The following PAH variants were observed in gnomAD, a reference collection of about 807,000 sequenced individuals.
The protein encoded by PAH is phenylalanine hydroxylase.
Under a neutral mutation model 62.0 loss-of-function variants are expected in PAH, and 64 were observed. The observed-to-expected ratio is 1.03, with a 90% CI of 0.84 to 1.27. The LOEUF (loss-of-function observed/expected upper bound fraction) is 1.27, where lower values mean the gene tolerates loss of function less well. Among genes scored for constraint, PAH ranks in the 50% most tolerant of loss-of-function variants. The pLI is 0.00. For synonymous variants in PAH, 195 were observed against 196.2 expected (o/e 0.99, Z 0.05); for missense variants, 579 against 542.8 (o/e 1.07, Z -0.66).
At chr12:102,903,360 C>CAAA (rs34480214) in intron 2 of PAH, among the ~76,000 whole-genome samples, 2,064 of 131,990 alleles carry the variant, frequency 0.016, 62 homozygotes, top group African/African-American at 0.049. Flanking sequence ...GATTCTGTCT[C>CAAA]AAAAAAAAAA....
intron 11 of PAH, among the ~76,000 whole-genome samples, chr12:102,841,168 G>A (rs1874578372): frequency 6.6e-6 from 1 of 152,176 alleles, no homozygotes; most frequent in Non-Finnish European, 1.5e-5. Context: ...ATGCAGCTGG[G>A]AAGGAACCCA....
intron 8 of PAH, among the ~76,000 whole-genome samples, chr12:102,848,268 G>T (rs1218818650): frequency 7.0e-6 from 1 of 142,076 alleles, no homozygotes; most frequent in African/African-American, 3.1e-5. Flanking sequence ...AGGATAGACA[G>T]GACACCAGGA....
At chr12:102,912,031 T>C (rs1162304773) in intron 2 of PAH, among the ~76,000 whole-genome samples, 2 of 152,212 alleles carry the variant, frequency 1.3e-5, no homozygotes, top group African/African-American at 4.8e-5. Flanking sequence ...AATCAACGTT[T>C]CCTAAACTCT....
rs7305565 is a variant in PAH at position 102,854,284 on chromosome 12, C to T, written c.706+852G>A. ...TCATTGCCCCCACAGTGGCCCATCT[C>T]TGCACAGCTCTGATATATAGAAAAT... On this transcript the variant is annotated intron_variant, in intron 6 of 12. Transcript: ENST00000553106. Among the ~76,000 whole-genome samples, 4 of 152,318 alleles carry T rather than the reference C, an allele frequency of 2.6e-5. No homozygotes were observed. In the South Asian group the frequency reaches 8.3e-4, roughly 32 times the overall value.
In PAH at chr12:102,855,261, A is replaced by G. The variant is rs5030844; in HGVS notation, c.581T>C (p.Leu194Pro). 2.3e-5 allele frequency: 37 copies of G among 1,614,120 alleles called. No individual in the cohort carries two copies. Among genetic ancestry groups the G allele is most frequent in the Non-Finnish European group, 3.1e-5 (37 of 1,179,942 alleles). ...AGCATGGGTTTTATACAAGGACTTC[A>G]GAGTCTTGAACACTGTGCCCCATGT... ...KKTWGTVFKT[L>P]KSLYKTHACY... The change falls in exon 6 of 13, where the codon CTG (leucine) becomes CCG (proline). Residue 194 changes from leucine to proline, a missense_variant. Transcript: ENST00000553106.
chr12:102,878,886 T>G (rs927698158), intron 3 of PAH, among the ~76,000 whole-genome samples: 6 of 152,102 alleles, frequency 3.9e-5, no homozygotes, highest in Non-Finnish European at 7.4e-5. Context: ...ACTGGGGCTC[T>G]AAAAGCTTAA....
At chr12:102,955,892 C>T (rs1340611011) in intron 1 of PAH, among the ~76,000 whole-genome samples, 1 of 152,178 alleles carries the variant, frequency 6.6e-6, no homozygotes, top group Admixed American at 6.5e-5. Context: ...CAGAATTGAC[C>T]TCTGTTGGCA....
intron 1 of PAH, chr12:102,913,713 A>G (rs921330418): frequency 3.0e-5 from 20 of 673,014 alleles, no homozygotes; most frequent in Non-Finnish European, 5.1e-5. Context: ...AAAGAGTTAC[A>G]AAATCCATGA....
intron 5 of PAH, among the ~76,000 whole-genome samples, chr12:102,859,560 T>G (rs1305236654): frequency 2.0e-5 from 3 of 152,202 alleles, no homozygotes; most frequent in Non-Finnish European, 4.4e-5. Context: ...TGAACATCAA[T>G]GCAAAAATCC....
intron 12 of PAH, among the ~76,000 whole-genome samples, chr12:102,840,184 G>A (rs1231177449): frequency 6.6e-6 from 1 of 152,002 alleles, no homozygotes; most frequent in Admixed American, 6.6e-5. Context: ...GAGGTGGAGT[G>A]GAATCTAGGA....
chr12:102,839,699 T>G (rs1015309747), intron 12 of PAH, among the ~76,000 whole-genome samples: 1 of 152,376 alleles, frequency 6.6e-6, no homozygotes, highest in Non-Finnish European at 1.5e-5. Flanking sequence ...TGATGCACAT[T>G]CAAATTTTAG....
intron 2 of PAH, among the ~76,000 whole-genome samples, chr12:102,901,140 G>A (rs1349433917): frequency 6.6e-6 from 1 of 152,128 alleles, no homozygotes; most frequent in Non-Finnish European, 1.5e-5. Flanking sequence ...TAGAAACAGA[G>A]TTCATAATGG....
chr12:102,895,470 G>C (rs1300047287), intron 2 of PAH, among the ~76,000 whole-genome samples: 1 of 152,036 alleles, frequency 6.6e-6, no homozygotes, highest in Non-Finnish European at 1.5e-5. Context: ...AGTTCATTGG[G>C]AGTGTTGGAT....
At chr12:102,863,702 A>G (rs899828222) in intron 5 of PAH, among the ~76,000 whole-genome samples, 2 of 152,190 alleles carry the variant, frequency 1.3e-5, no homozygotes, top group Admixed American at 1.3e-4. Context: ...AAAGGACACT[A>G]GAGTCAGAGA....
At position 102,907,659 on chromosome 12, in the gene PAH, C is replaced by T. The variant is rs557775710; in HGVS notation, c.168+5132G>A. Reference sequence around the variant, plus strand: ...GGGCGGACAGAGTCTCACTCTGTTGCCCAGGCTGGAGTGCAGTGGGGTGAT... The same window carrying T: ...GGGCGGACAGAGTCTCACTCTGTTGTCCAGGCTGGAGTGCAGTGGGGTGAT... On this transcript the variant is annotated intron_variant, in intron 2 of 12. Transcript: ENST00000553106. 4.0e-5 allele frequency among the ~76,000 whole-genome samples: 6 copies of T among 151,622 alleles called. 1 individual carries two copies. In the South Asian group the frequency reaches 1.3e-3, roughly 32 times the overall value.
chr12:102,854,302 T>C (rs1236266880), intron 6 of PAH, among the ~76,000 whole-genome samples: 1 of 152,162 alleles, frequency 6.6e-6, no homozygotes, highest in East Asian at 1.9e-4. Flanking sequence ...CTCTGATATA[T>C]AGAAAATTTT....
intron 2 of PAH, among the ~76,000 whole-genome samples, chr12:102,906,446 A>C (rs1411491013): frequency 6.6e-6 from 1 of 152,202 alleles, no homozygotes; most frequent in African/African-American, 2.4e-5. Context: ...AAACTAGAAA[A>C]CACCATGGAT....
At chr12:102,912,308 C>T (rs551804874) in intron 2 of PAH, among the ~76,000 whole-genome samples, 2 of 152,192 alleles carry the variant, frequency 1.3e-5, no homozygotes, top group East Asian at 3.9e-4. Context: ...GGTTAAGCTA[C>T]TTGAAGAAAG....
chr12:102,867,928 GATGTATATATACATGTA>G (rs1565854319), intron 4 of PAH, among the ~76,000 whole-genome samples: 2 of 118,128 alleles, frequency 1.7e-5, no homozygotes, highest in Non-Finnish European at 3.7e-5. Flanking sequence ...TACATATATA[GATGTATATATACATGTA>G]TATACATATA....
Sources: allele counts gnomAD v4.1 joint callset (sites outside exome capture counted in the v4.1 genomes callset), GRCh38; gene constraint gnomAD v4.1.1; transcripts MANE v1.5; gene names NCBI Gene and HGNC (gene_info 2026-07-23, HGNC 2026-07-21).